Variants in ZNF780B observed in about 807,000 individuals in gnomAD.
The protein encoded by ZNF780B is zinc finger protein 780B, also known as zinc finger protein 779.
A neutral mutation model predicts 74.1 loss-of-function variants in ZNF780B; 52 were observed. That is an observed-to-expected ratio of 0.70 (90% CI 0.56 to 0.88). ZNF780B has a LOEUF of 0.88. ZNF780B is among the 40% of genes least tolerant of loss of function. The pLI is 0.00. For missense variants in ZNF780B, 953 were observed against 1,007.6 expected, an observed-to-expected ratio of 0.95 and a Z score of 0.73; for synonymous variants, 315 against 324.3, an observed-to-expected ratio of 0.97 and a Z score of 0.31.
At chr19:40,041,729 C>T (rs560094035) in intron 4 of ZNF780B, among the ~76,000 whole-genome samples, 90 of 150,944 alleles carry the variant, frequency 6.0e-4, no homozygotes, top group Non-Finnish European at 1.1e-3. Context: ...GGATTGCAAC[C>T]CCTGCCTTTT....
intron 4 of ZNF780B, among the ~76,000 whole-genome samples, chr19:40,037,209 C>T (rs376288389): frequency 1.3e-5 from 2 of 150,184 alleles, no homozygotes; most frequent in East Asian, 2.0e-4. Context: ...GCCATTGTGC[C>T]TGGCCTCTAT....
In ZNF780B at chr19:40,034,811, T is replaced by C. The variant is rs749157470; in HGVS notation, c.2048A>G (p.Asn683Ser). The change falls in exon 5 of 5, where the codon AAC becomes AGC. Residue 683 changes from asparagine to serine, a missense_variant. Transcript: ENST00000434248. ...ATGAGTTTTCTGATGCTGAATAAGG[T>C]TTGAAACACGACTAAAGCCTTTCCC... is the stretch of plus-strand genomic sequence containing the variant. ...ECGKGFSRVS[N>S]LIQHQKTHSS... The C allele has an allele frequency of 6.2e-7, 1 of 1,614,006 alleles. No homozygotes were observed. Among genetic ancestry groups the C allele is most frequent in the Non-Finnish European group, 8.5e-7 (1 of 1,179,980 alleles).
chr19:40,047,585 C>A, intron 3 of ZNF780B, 115 bp from the exon 4 acceptor site: 1 of 603,004 alleles, frequency 1.7e-6, no homozygotes, highest in Admixed American at 3.3e-5. Flanking sequence ...TGAGAAGAGA[C>A]TCCAGATAAG....
chr19:40,039,519 T>C (rs1479346760), intron 4 of ZNF780B, among the ~76,000 whole-genome samples: 29 of 151,794 alleles, frequency 1.9e-4, no homozygotes, highest in African/African-American at 6.0e-4. Context: ...GCCATTTTCA[T>C]GATATTGATT....
In ZNF780B at chr19:40,036,250, T is replaced by G; in HGVS notation, c.609A>C (p.Gln203His). 1.2e-6 allele frequency: 2 copies of G among 1,612,022 alleles called. No individual in the cohort carries two copies. Among genetic ancestry groups the G allele is most frequent in the African/African-American group, 2.7e-5 (2 of 74,912 alleles). Residue 203 changes from glutamine (Q) to histidine (H), a missense_variant, in exon 5 of 5, where the codon CAA becomes CAC. Physicochemically the swap from Gln to His is conservative, Grantham distance 24. Coordinates refer to ENST00000434248, the MANE Select transcript of ZNF780B (RefSeq NM_001005851.3). The stretch of plus-strand genomic sequence containing the variant: ...GATGTCGAGTAAGTTGTATGTGAAG[T>G]TGAAAGGCTTTCCCACATTCTTTGC... ...YKCKECGKAF[Q>H]LHIQLTRHQK...
chr19:40,038,994 T>C (rs865877836), intron 4 of ZNF780B, among the ~76,000 whole-genome samples: 16 of 152,366 alleles, frequency 1.1e-4, no homozygotes, highest in Middle Eastern at 3.4e-3. Context: ...CCCATGCCTA[T>C]GTCCTGAATG....
intron 4 of ZNF780B, among the ~76,000 whole-genome samples, chr19:40,045,813 C>A (rs1972908320): frequency 6.6e-6 from 1 of 152,028 alleles, no homozygotes; most frequent in Non-Finnish European, 1.5e-5. Context: ...TGTGGTGAAA[C>A]CCTGTCTCTA....
Position 40,033,357 on chromosome 19 carries a change from C to T in ZNF780B, c.*1000G>A, listed in dbSNP as rs747047829. Reference sequence around the variant, plus strand: ...CTGCAATGCACAATTAAGCAAGGTACGCCTGTATCCAGTAAAATATTTCAC... The same window carrying T: ...CTGCAATGCACAATTAAGCAAGGTATGCCTGTATCCAGTAAAATATTTCAC... On this transcript the variant is annotated 3_prime_UTR_variant, in exon 5 of 5. Coordinates refer to ENST00000434248, the MANE Select transcript of ZNF780B (RefSeq NM_001005851.3). 16 of 154,988 alleles carry T rather than the reference C, an allele frequency of 1.0e-4. No homozygotes were observed. The highest frequency in any genetic ancestry group is 7.7e-4 in the East Asian group (4 of 5,184). The allele number at this position is 154,988 out of a possible 1,614,324, so 9.6% of individuals were successfully genotyped here.
chr19:40,029,152 T>C lies in ZNF780B; in HGVS notation c.*5205A>G, dbSNP rs1372112763. ...GACCACAACTTGTGCAGAAGACTCA[T>C]TGAAATGGAATGGTATTCTGGAAAT... On this transcript the variant is annotated 3_prime_UTR_variant, in exon 5 of 5. Transcript: ENST00000434248. The C allele has an allele frequency of 1.3e-5, 2 of 152,204 alleles. No individual in the cohort carries two copies. The highest frequency in any genetic ancestry group is 1.9e-4 in the East Asian group (1 of 5,198). The allele number at this position is 152,204 out of a possible 1,614,324, so 9.4% of individuals were successfully genotyped here.
At position 40,050,367 on chromosome 19, in the gene ZNF780B, G is replaced by A. The variant is rs200762158; in HGVS notation, c.-35C>T. ...ATTACAAAATTGGTCAATCTTCCTC[G>A]GGCTTCTCCCCTGGAAAACAACAAC... On this transcript the variant is annotated 5_prime_UTR_variant, in exon 2 of 5. Coordinates refer to ENST00000434248, the MANE Select transcript of ZNF780B (RefSeq NM_001005851.3). The A allele has an allele frequency of 3.5e-5, 55 of 1,587,646 alleles. No individual in the cohort carries two copies. In the South Asian group the frequency reaches 4.6e-4, roughly 13 times the overall value.
chr19:40,033,822 A>G lies in ZNF780B; in HGVS notation c.*535T>C. On this transcript the variant is annotated 3_prime_UTR_variant, in exon 5 of 5. Transcript: ENST00000434248. ...TGCAGAAAGGACTGAACTAAGTCTA[A>G]AGGTCTTCCCACATCCTTTACATTC... 5.4e-6 allele frequency: 1 copy of G among 185,762 alleles called. No homozygotes were observed. The allele number at this position is 185,762 out of a possible 1,614,324, so 11.5% of individuals were successfully genotyped here.
intron 1 of ZNF780B, among the ~76,000 whole-genome samples, chr19:40,054,761 C>G (rs1973404864): frequency 6.6e-6 from 1 of 152,180 alleles, no homozygotes; most frequent in East Asian, 1.9e-4. Context: ...TCATTACAAG[C>G]CTGAGAAGAC....
chr19:40,037,826 A>G (rs1225490926), intron 4 of ZNF780B, among the ~76,000 whole-genome samples: 1 of 150,510 alleles, frequency 6.6e-6, no homozygotes, highest in African/African-American at 2.4e-5. Context: ...AGACTGCTTC[A>G]TCTTCCAAGA....
Position 40,028,773 on chromosome 19 carries a change from G to A in ZNF780B, c.*5584C>T, listed in dbSNP as rs1971941953. On this transcript the variant is annotated 3_prime_UTR_variant, in exon 5 of 5. Coordinates refer to ENST00000434248, the MANE Select transcript of ZNF780B (RefSeq NM_001005851.3). ...GGCATCAGAATGGAATGAGCACTCAGACTTATACAGAACTTGGAAGAATAG... is the reference window on the plus strand; with the variant it reads ...GGCATCAGAATGGAATGAGCACTCAAACTTATACAGAACTTGGAAGAATAG... 1 of 152,162 alleles carries A rather than the reference G, an allele frequency of 6.6e-6. No individual in the cohort carries two copies. The highest frequency in any genetic ancestry group is 1.5e-5 in the Non-Finnish European group (1 of 68,042). 9.4% of individuals were successfully genotyped at this position (152,162 alleles called of 1,614,324 possible). A position where few individuals can be genotyped will look rare whatever the true frequency, so the allele number is the denominator to read the frequency against.
rs746957450 is a variant in ZNF780B at position 40,035,098 on chromosome 19, A to G, written c.1761T>C (p.Cys587=). ...GTCGAAAGGCTTTCCCACATTCCTT[A>G]CATTCAAAGGGTTTCTTTCCGGTAT... ...SIHTGKKPFE[C]KECGKAFRLH... is the part of the protein sequence containing the mutation. Residue 587 remains cysteine, a synonymous_variant, in exon 5 of 5, where the codon TGT becomes TGC. Coordinates refer to ENST00000434248, the MANE Select transcript of ZNF780B (RefSeq NM_001005851.3). 6.2e-7 allele frequency: 1 copy of G among 1,613,586 alleles called. No individual in the cohort carries two copies. Among genetic ancestry groups the G allele is most frequent in the Non-Finnish European group, 8.5e-7 (1 of 1,179,786 alleles).
rs1201770912 is a variant in ZNF780B, at chr19:40,029,968, AC to A, written c.*4388del. The A allele has an allele frequency of 1.3e-5, 2 of 152,204 alleles. No individual in the cohort carries two copies. The highest frequency in any genetic ancestry group is 2.9e-5 in the Non-Finnish European group (2 of 68,036). The allele number at this position is 152,204 out of a possible 1,614,324, so 9.4% of individuals were successfully genotyped here. On this transcript the variant is annotated 3_prime_UTR_variant, in exon 5 of 5. Coordinates refer to ENST00000434248, the MANE Select transcript of ZNF780B (RefSeq NM_001005851.3). ...CTTACGGGGAGTTATGTCCAAATAA[AC>A]CCATCATAAATTGAAAACATCATAC... is the stretch of plus-strand genomic sequence containing the variant.
rs201833968 is a variant in ZNF780B at position 40,035,201 on chromosome 19, C to T, written c.1658G>A (p.Gly553Asp). The T allele has an allele frequency of 3.1e-6, 5 of 1,614,108 alleles. No individual in the cohort carries two copies. The highest frequency in any genetic ancestry group is 4.2e-6 in the Non-Finnish European group (5 of 1,180,016). ...QLSQHEKTHT[G>D]EKPFECKECG... ...TTCCTTACATTCAAAGGGTTTCTCACCTGTATGAGTTTTCTCATGTTGAGA... is the reference window on the plus strand; with the variant it reads ...TTCCTTACATTCAAAGGGTTTCTCATCTGTATGAGTTTTCTCATGTTGAGA... Residue 553 changes from glycine (G) to aspartate (D), a missense_variant, in exon 5 of 5, where the codon GGT (glycine) becomes GAT (aspartate). Gly to Asp is a moderately conservative substitution (Grantham distance 94). Coordinates refer to ENST00000434248, the MANE Select transcript of ZNF780B (RefSeq NM_001005851.3).
In ZNF780B at chr19:40,035,002, G is replaced by A; in HGVS notation, c.1857C>T (p.Gly619=). 1 of 1,613,036 alleles carries A rather than the reference G, an allele frequency of 6.2e-7. No individual in the cohort carries two copies. ...GEKPFECKEC[G]KAFSLHTQLN... ...GCTGGGTGTGAAGACTGAAGGCCTT[G>A]CCACATTCCTTACATTCAAAGGGCT... The change falls in exon 5 of 5, where the codon GGC becomes GGT. Residue 619 remains glycine (G), a synonymous_variant. Transcript: ENST00000434248.
intron 4 of ZNF780B, among the ~76,000 whole-genome samples, chr19:40,044,704 T>A (rs1972853342): frequency 6.6e-6 from 1 of 151,762 alleles, no homozygotes; most frequent in African/African-American, 2.4e-5. Context: ...ACAGCAAACA[T>A]ACAAATAAGG....
Sources: allele counts gnomAD v4.1 joint callset (sites outside exome capture counted in the v4.1 genomes callset), GRCh38; gene constraint gnomAD v4.1.1; transcripts MANE v1.5; gene names NCBI Gene and HGNC (gene_info 2026-07-23, HGNC 2026-07-21).